PLA2G4A: variants seen among roughly 807,000 people sequenced by gnomAD.
PLA2G4A encodes the protein phospholipase A2 group IVA, also known as cytosolic phospholipase A2.
A neutral mutation model predicts 81.9 loss-of-function variants in PLA2G4A; 40 were observed. The observed-to-expected ratio is 0.49, with a 90% CI of 0.38 to 0.64. The LOEUF is 0.64. Ranked by LOEUF, PLA2G4A falls within the 30% of genes least tolerant of loss-of-function variation. The pLI, the probability that PLA2G4A is intolerant of heterozygous loss-of-function variation, is 0.00. For missense variants in PLA2G4A, 715 were observed against 905.1 expected (o/e 0.79, Z 2.69); for synonymous variants, 302 against 296.9 (o/e 1.02, Z -0.18).
chr1:186,982,833 C>T (rs1287969613), intron 17 of PLA2G4A, among the ~76,000 whole-genome samples: 1 of 152,154 alleles, frequency 6.6e-6, no homozygotes, highest in Non-Finnish European at 1.5e-5. Context: ...AATCCCAGCA[C>T]TTTGGGAGGC....
At chr1:186,837,755 A>AAAAAAAG (rs1553267329) in intron 1 of PLA2G4A, among the ~76,000 whole-genome samples, 11 of 147,522 alleles carry the variant, frequency 7.5e-5, no homozygotes, top group African/African-American at 2.8e-4. Context: ...AAAAAAAAGA[A>AAAAAAAG]AAAGAAAAGA....
At chr1:186,864,168 A>G (rs953269926) in intron 2 of PLA2G4A, among the ~76,000 whole-genome samples, 2 of 152,164 alleles carry the variant, frequency 1.3e-5, no homozygotes, top group African/African-American at 4.8e-5. Flanking sequence ...TCCATTGTGT[A>G]TATGTACCAC....
At chr1:186,857,668 G>A (rs2102034798) in intron 2 of PLA2G4A, among the ~76,000 whole-genome samples, 1 of 150,416 alleles carries the variant, frequency 6.6e-6, no homozygotes, top group Non-Finnish European at 1.5e-5. Flanking sequence ...AGGCTACATA[G>A]GTATATATTT....
rs946731988 is a variant in PLA2G4A, at chr1:186,891,117, A to G, written c.116-1894A>G. 5.4e-4 allele frequency among the ~76,000 whole-genome samples: 82 copies of G among 152,216 alleles called. 1 individual carries two copies. The highest frequency in any genetic ancestry group is 1.9e-3 in the African/African-American group (81 of 41,544). ...ACAAATATAATCTTTTTTTTAAAAA[A>G]AAGTATTTTTCAATTTTTTTTCTTT... On this transcript the variant is annotated intron_variant, in intron 3 of 17. Transcript: ENST00000367466.
At chr1:186,949,959 C>G (rs1436211950) in intron 12 of PLA2G4A, among the ~76,000 whole-genome samples, 1 of 152,082 alleles carries the variant, frequency 6.6e-6, no homozygotes, top group Non-Finnish European at 1.5e-5. Flanking sequence ...TTGCTTGAGC[C>G]CAGAGGCAGA....
intron 10 of PLA2G4A, among the ~76,000 whole-genome samples, chr1:186,941,725 C>G (rs1033061885): frequency 2.0e-5 from 3 of 152,134 alleles, no homozygotes; most frequent in Non-Finnish European, 4.4e-5. Context: ...ATGAATTCCT[C>G]TTTCCTCACC....
intron 13 of PLA2G4A, among the ~76,000 whole-genome samples, chr1:186,955,752 T>TTTTTTTTA: frequency 6.7e-6 from 1 of 149,520 alleles, no homozygotes; most frequent in Admixed American, 6.7e-5. Flanking sequence ...TTTTTTTTTT[T>TTTTTTTTA]AAGACAGAGT....
At chr1:186,932,017 A>G (rs1236508426) in intron 7 of PLA2G4A, among the ~76,000 whole-genome samples, 12 of 152,148 alleles carry the variant, frequency 7.9e-5, no homozygotes, top group Non-Finnish European at 2.9e-5. Context: ...TCAACTATGA[A>G]TTACCAGCTG....
In PLA2G4A at chr1:186,848,458, GGA is replaced by G. The variant is rs550706850; in HGVS notation, c.-69-5821_-69-5820del. Among the ~76,000 whole-genome samples, 4 of 152,240 alleles carry G rather than the reference GGA, an allele frequency of 2.6e-5. No individual in the cohort carries two copies. In the East Asian group the frequency reaches 7.7e-4, roughly 29 times the overall value. ...CCTGCAACAAGCTCTACCTTGAGCA[GGA>G]GAGAGACTTTAACTCAACGAACCCG... On this transcript the variant is annotated intron_variant, in intron 1 of 17. Coordinates refer to ENST00000367466, the MANE Select transcript of PLA2G4A (RefSeq NM_024420.3).
At chr1:186,973,157 T>C (rs762456666) in intron 15 of PLA2G4A, among the ~76,000 whole-genome samples, 1 of 152,156 alleles carries the variant, frequency 6.6e-6, no homozygotes, top group Non-Finnish European at 1.5e-5. Flanking sequence ...AACAGAAATA[T>C]ATTCTCTCAC....
intron 3 of PLA2G4A, among the ~76,000 whole-genome samples, chr1:186,879,845 ATT>A (rs397982288): frequency 0.031 from 1,558 of 50,956 alleles, 36 homozygotes; most frequent in Admixed American, 0.11. Context: ...TTATATATAT[ATT>A]TTTTTATTAT....
chr1:186,840,310 A>G (rs1427330761), intron 1 of PLA2G4A, among the ~76,000 whole-genome samples: 2 of 152,162 alleles, frequency 1.3e-5, no homozygotes, highest in East Asian at 3.9e-4. Flanking sequence ...CTCCATTTAC[A>G]GAGTTCTTAA....
chr1:186,965,797 G>A (rs1275077492), intron 15 of PLA2G4A, among the ~76,000 whole-genome samples: 5 of 152,220 alleles, frequency 3.3e-5, no homozygotes, highest in African/African-American at 1.2e-4. Flanking sequence ...CTCAATAAAG[G>A]TCAGAGCCCT....
chr1:186,839,646 A>G (rs1651907006), intron 1 of PLA2G4A, among the ~76,000 whole-genome samples: 1 of 152,198 alleles, frequency 6.6e-6, no homozygotes, highest in Non-Finnish European at 1.5e-5. Context: ...GAAGCAAATG[A>G]CAGCACTTTC....
rs758024598 is a variant in PLA2G4A at position 186,870,516 on chromosome 1, C to A, written c.115C>A (p.Leu39Ile). The A allele has an allele frequency of 1.2e-5, 19 of 1,596,872 alleles. No individual in the cohort carries two copies. Among genetic ancestry groups the A allele is most frequent in the Non-Finnish European group, 8.6e-7 (1 of 1,164,776 alleles). Reference protein sequence around the residue: ...KVTKGAFGDMLDTPDPYVELF... With the variant: ...KVTKGAFGDMIDTPDPYVELF... ...GACAAAGGGGGCCTTTGGTGACATG[C>A]GTAAGTGCCCTTTTTTTCTTTGCTG... The change falls in exon 3 of 18, where the codon CTT (leucine) becomes ATT (isoleucine). Residue 39 changes from leucine to isoleucine, a missense_variant and splice_region_variant. Physicochemically the swap from Leu to Ile is conservative, Grantham distance 5. Coordinates refer to ENST00000367466, the MANE Select transcript of PLA2G4A (RefSeq NM_024420.3).
chr1:186,986,986 G>C (rs924816895), intron 17 of PLA2G4A, among the ~76,000 whole-genome samples: 1 of 152,180 alleles, frequency 6.6e-6, no homozygotes, highest in African/African-American at 2.4e-5. Context: ...TTCCCGAGAA[G>C]ATAATTACAT....
At chr1:186,886,904 C>T (rs1036108960) in intron 3 of PLA2G4A, among the ~76,000 whole-genome samples, 7 of 152,046 alleles carry the variant, frequency 4.6e-5, no homozygotes, top group Admixed American at 1.3e-4. Flanking sequence ...TTTAGTTCCT[C>T]GTAATATTAT....
chr1:186,829,108 T>G (rs549210786), intron 1 of PLA2G4A, 73 bp downstream of exon 1: 1 of 152,302 alleles, frequency 6.6e-6, no homozygotes, highest in South Asian at 2.1e-4. Flanking sequence ...CTCCTTAGCT[T>G]TTACTTGGTA....
intron 7 of PLA2G4A, among the ~76,000 whole-genome samples, chr1:186,917,399 T>C (rs1234214239): frequency 6.6e-6 from 1 of 152,194 alleles, no homozygotes; most frequent in African/African-American, 2.4e-5. Flanking sequence ...CCTGTTTTCT[T>C]AGAAGGAGTG....
Sources: allele counts gnomAD v4.1 joint callset (sites outside exome capture counted in the v4.1 genomes callset), GRCh38; gene constraint gnomAD v4.1.1; transcripts MANE v1.5; gene names NCBI Gene and HGNC (gene_info 2026-07-23, HGNC 2026-07-21).